GCNT2: variants seen among roughly 807,000 people sequenced by gnomAD.
GCNT2 encodes the protein N-acetyllactosaminide beta-1,6-N-acetylglucosaminyl-transferase.
In GCNT2, 34 loss-of-function variants were observed where a neutral mutation model predicts 34.2. That is an observed-to-expected ratio of 1.00 (90% confidence interval 0.76 to 1.32). The LOEUF is 1.32. Among genes scored for constraint, GCNT2 ranks in the 40% most tolerant of loss-of-function variants. GCNT2 has a pLI of 0.00. For synonymous variants in GCNT2, 212 were observed against 188.0 expected, an observed-to-expected ratio of 1.13 and a Z score of -1.04; for missense variants, 584 against 489.4, an observed-to-expected ratio of 1.19 and a Z score of -1.82.
intron 3 of GCNT2, among the ~76,000 whole-genome samples, chr6:10,608,936 C>T (rs1171880841): frequency 6.6e-6 from 1 of 152,146 alleles, no homozygotes. Flanking sequence ...GAATGAAACA[C>T]GTTGGGGCCA....
chr6:10,590,803 C>T (rs189420718), intron 3 of GCNT2, among the ~76,000 whole-genome samples: 8 of 152,270 alleles, frequency 5.3e-5, no homozygotes, highest in African/African-American at 1.7e-4. Context: ...CTGCCCGCCT[C>T]GGCCTCCCAA....
intron 3 of GCNT2, among the ~76,000 whole-genome samples, chr6:10,540,247 G>A (rs1761979079): frequency 6.6e-6 from 1 of 152,150 alleles, no homozygotes. Flanking sequence ...CTTGTACCAG[G>A]AAGTAGCATT....
intron 3 of GCNT2, among the ~76,000 whole-genome samples, chr6:10,579,775 C>T (rs1581437135): frequency 6.9e-6 from 1 of 143,974 alleles, no homozygotes; most frequent in East Asian, 2.1e-4. Context: ...GAGATCGTGC[C>T]ACTGCGCTCC....
intron 3 of GCNT2, among the ~76,000 whole-genome samples, chr6:10,531,894 T>A (rs968350534): frequency 4.0e-5 from 6 of 150,084 alleles, no homozygotes; most frequent in East Asian, 1.9e-4. Context: ...TTTTTTTTTT[T>A]AGAGAAGACC....
At chr6:10,561,568 C>T (rs1762983965) in intron 3 of GCNT2, among the ~76,000 whole-genome samples, 1 of 152,236 alleles carries the variant, frequency 6.6e-6, no homozygotes, top group Non-Finnish European at 1.5e-5. Context: ...CAAGTGGCCG[C>T]TGGTTGATCT....
chr6:10,585,072 TGTGTGTGC>T (rs1465925587), intron 3 of GCNT2, among the ~76,000 whole-genome samples: 1,294 of 100,252 alleles, frequency 0.013, 24 homozygotes, highest in African/African-American at 0.062. Context: ...TGTGTGTGTG[TGTGTGTGC>T]GCGCTATATT....
chr6:10,546,267 T>C (rs904131260), intron 3 of GCNT2, among the ~76,000 whole-genome samples: 4 of 152,148 alleles, frequency 2.6e-5, no homozygotes, highest in Non-Finnish European at 5.9e-5. Context: ...ACAAATGCAG[T>C]TGACCAGTGC....
intron 3 of GCNT2, among the ~76,000 whole-genome samples, chr6:10,540,006 AGGTCGGGGCTACAGTGAGGGGT>A (rs1461322599): frequency 6.6e-6 from 1 of 151,960 alleles, no homozygotes; most frequent in Non-Finnish European, 1.5e-5. Flanking sequence ...TGAGCACGGG[AGGTCGGGGCTACAGTGAGGGGT>A]GGTCGTGACA....
intron 3 of GCNT2, among the ~76,000 whole-genome samples, chr6:10,605,367 C>G (rs1765263478): frequency 7.4e-6 from 1 of 135,128 alleles, no homozygotes; most frequent in Non-Finnish European, 1.7e-5. Context: ...CAGTACCACG[C>G]CTGGCTTTTT....
chr6:10,626,589 A>G lies in GCNT2; in HGVS notation c.1191A>G (p.Gln397=). 6.2e-7 allele frequency: 1 copy of G among 1,613,502 alleles called. No homozygotes were observed. The highest frequency in any genetic ancestry group is 8.5e-7 in the Non-Finnish European group (1 of 1,179,518). Residue 397 remains glutamine, a synonymous_variant, in exon 5 of 5, where the codon CAA becomes CAG. Transcript: ENST00000495262. ...RTLNQSETAI[Q]PSWYF ...TCAATCAGAGTGAAACTGCGATACA[A>G]CCCAGCTGGTATTTTTGAGCTATTC...
intron 3 of GCNT2, among the ~76,000 whole-genome samples, chr6:10,542,118 G>A (rs1762060925): frequency 6.6e-6 from 1 of 152,062 alleles, no homozygotes; most frequent in Admixed American, 6.6e-5. Flanking sequence ...AATGAGACCT[G>A]CAATGTAAAA....
rs1581441376 is a variant in GCNT2, at chr6:10,582,258, A to C, written c.926-39093A>C. Among the ~76,000 whole-genome samples the C allele has an allele frequency of 5.0e-5, 6 of 119,348 alleles. No homozygotes were observed. The South Asian group carries it at 1.4e-3, about 28-fold the overall frequency. The allele number at this position is 119,348 out of a possible 152,430, so 78.3% of individuals were successfully genotyped here. A position where few individuals can be genotyped will look rare whatever the true frequency, so the allele number is the denominator to read the frequency against. ...TAAATATATAAAATATATATAATAT[A>C]TACTATATATTAAATATATAAATAT... On this transcript the variant is annotated intron_variant, in intron 3 of 4. Transcript: ENST00000495262.
chr6:10,603,440 G>A (rs139464714), intron 3 of GCNT2, among the ~76,000 whole-genome samples: 69 of 152,312 alleles, frequency 4.5e-4, no homozygotes, highest in South Asian at 1.5e-3. Context: ...GAGGCACTGC[G>A]CACCACACAG....
intron 3 of GCNT2, among the ~76,000 whole-genome samples, chr6:10,595,605 C>T (rs1764819298): frequency 6.6e-6 from 1 of 151,872 alleles, no homozygotes; most frequent in African/African-American, 2.4e-5. Flanking sequence ...TTTCTTAAGC[C>T]GTACCATGTT....
intron 3 of GCNT2, among the ~76,000 whole-genome samples, chr6:10,537,403 C>A (rs980288735): frequency 6.6e-6 from 1 of 151,872 alleles, no homozygotes; most frequent in Admixed American, 6.6e-5. Flanking sequence ...TACCATAAAT[C>A]AAAAATGCAT....
Position 10,529,760 on chromosome 6 carries a change from A to G in GCNT2, c.849A>G (p.Ala283=), listed in dbSNP as rs76555271. The G allele has an allele frequency of 6.2e-7, 1 of 1,614,146 alleles. No homozygotes were observed. Among genetic ancestry groups the G allele is most frequent in the South Asian group, 1.1e-5 (1 of 91,088 alleles). ...ACTTCGTCCTCCAAGACCAGCTCGCACTTGACTTACTCTCCTGGTCCAAGG... is the reference window on the plus strand; with the variant it reads ...ACTTCGTCCTCCAAGACCAGCTCGCGCTTGACTTACTCTCCTGGTCCAAGG... The part of the protein sequence containing the change: ...FANFVLQDQL[A]LDLLSWSKDT... The change falls in exon 3 of 5, where the codon GCA becomes GCG. Residue 283 remains alanine (A), a synonymous_variant. Coordinates refer to ENST00000495262, the MANE Select transcript of GCNT2 (RefSeq NM_145649.5).
At chr6:10,523,768 C>T (rs755250236) in intron 1 of GCNT2, among the ~76,000 whole-genome samples, 3 of 151,926 alleles carry the variant, frequency 2.0e-5, no homozygotes, top group Non-Finnish European at 4.4e-5. Flanking sequence ...GTCAGGAGAT[C>T]GAGACCATCC....
chr6:10,563,877 A>AAGG (rs958555160), intron 3 of GCNT2, among the ~76,000 whole-genome samples: 7 of 149,828 alleles, frequency 4.7e-5, no homozygotes, highest in Non-Finnish European at 1.0e-4. Context: ...CATCCAAGGG[A>AAGG]AGGAGGTAGC....
At position 10,626,714 on chromosome 6, in the gene GCNT2, T is replaced by TA; in HGVS notation, c.*107_*108insA. ...TAATGTTAACCGTTTCAGGACCACG[T>TA]TTATAGCTTCAGGACCTGGCTACGT... On this transcript the variant is annotated 3_prime_UTR_variant, in exon 5 of 5. Transcript: ENST00000495262. The TA allele has an allele frequency of 3.8e-6, 3 of 783,582 alleles. No individual in the cohort carries two copies. In the East Asian group the frequency reaches 7.7e-5, roughly 20 times the overall value. 48.5% of individuals were successfully genotyped at this position (783,582 alleles called of 1,614,324 possible).
Sources: gnomAD v4.1 joint callset for allele counts (sites outside exome capture counted in the v4.1 genomes callset) on GRCh38, gnomAD v4.1.1 for gene constraint, MANE v1.5 for transcripts, NCBI Gene and HGNC (gene_info 2026-07-23, HGNC 2026-07-21) for gene names.